The following ROBO2 variants were observed in gnomAD, a reference collection of about 807,000 sequenced individuals.
The protein encoded by ROBO2 is roundabout homolog 2.
ROBO2 carries 53 observed loss-of-function variants against 160.8 expected under a neutral mutation model. The observed-to-expected ratio is 0.33, with a 90% CI of 0.26 to 0.41. ROBO2 has a LOEUF of 0.41. Ranked by LOEUF, ROBO2 falls within the 10% of genes least tolerant of loss-of-function variation. The pLI, the probability that ROBO2 is intolerant of heterozygous loss-of-function variation, is 1.00. For synonymous variants in ROBO2, 664 were observed against 611.7 expected, an observed-to-expected ratio of 1.09 and a Z score of -1.26; for missense variants, 1,577 against 1,722.4, an observed-to-expected ratio of 0.92 and a Z score of 1.49.
intron 2 of ROBO2, among the ~76,000 whole-genome samples, chr3:76,311,746 G>A (rs1172500129): frequency 6.6e-6 from 1 of 152,134 alleles, no homozygotes. Context: ...AAAGAAATGG[G>A]TTCTGAATAT....
At chr3:76,486,450 G>A (rs781081346) in intron 2 of ROBO2, among the ~76,000 whole-genome samples, 4 of 152,184 alleles carry the variant, frequency 2.6e-5, no homozygotes, top group Admixed American at 6.6e-5. Flanking sequence ...AACAGCGTTG[G>A]TGGTTTAGAT....
intron 2 of ROBO2, among the ~76,000 whole-genome samples, chr3:76,677,735 T>G (rs1183939114): frequency 6.6e-6 from 1 of 152,078 alleles, no homozygotes; most frequent in Non-Finnish European, 1.5e-5. Flanking sequence ...TTTTTAAATT[T>G]AAAATATATA....
At chr3:76,564,179 C>T (rs756056971) in intron 2 of ROBO2, among the ~76,000 whole-genome samples, 4 of 152,180 alleles carry the variant, frequency 2.6e-5, no homozygotes, top group East Asian at 1.9e-4. Context: ...GCACTCCAGT[C>T]GGGGCGACAC....
At chr3:76,163,973 A>G (rs147840868) in intron 2 of ROBO2, among the ~76,000 whole-genome samples, 3 of 152,320 alleles carry the variant, frequency 2.0e-5, no homozygotes, top group African/African-American at 7.2e-5. Flanking sequence ...GTCTCATGCA[A>G]TGCTGTTTGA....
At chr3:76,773,832 A>C (rs2062064550) in intron 2 of ROBO2, among the ~76,000 whole-genome samples, 1 of 150,848 alleles carries the variant, frequency 6.6e-6, no homozygotes, top group African/African-American at 2.4e-5. Flanking sequence ...CCTGGGAAGA[A>C]TACAAAGAAA....
intron 1 of ROBO2, among the ~76,000 whole-genome samples, chr3:75,915,205 G>A (rs1946761001): frequency 6.6e-6 from 1 of 152,130 alleles, no homozygotes; most frequent in Admixed American, 6.5e-5. Context: ...AACATGTAAA[G>A]CTTATAGAAG....
chr3:76,901,568 C>CAAAAAAA (rs34372046), intron 2 of ROBO2, among the ~76,000 whole-genome samples: 7 of 75,804 alleles, frequency 9.2e-5, no homozygotes, highest in East Asian at 4.3e-4. Context: ...AATTTCATCT[C>CAAAAAAA]AAAAAAAAAA....
At chr3:76,726,866 T>G (rs565352470) in intron 2 of ROBO2, among the ~76,000 whole-genome samples, 9 of 152,292 alleles carry the variant, frequency 5.9e-5, no homozygotes, top group African/African-American at 2.2e-4. Context: ...AAAAGCTATC[T>G]CGTACAGCTA....
At chr3:76,560,551 C>A (rs1405631272) in intron 2 of ROBO2, among the ~76,000 whole-genome samples, 1 of 150,204 alleles carries the variant, frequency 6.7e-6, no homozygotes, top group Non-Finnish European at 1.5e-5. Context: ...TTATTATTAT[C>A]ATCATTATCA....
At chr3:76,938,915 G>A (rs2077949075) in intron 2 of ROBO2, among the ~76,000 whole-genome samples, 2 of 148,860 alleles carry the variant, frequency 1.3e-5, no homozygotes, top group Admixed American at 6.8e-5. Context: ...AGGTTGCAGT[G>A]AGCTGAGATC....
chr3:76,441,371 C>G (rs1170589495), intron 2 of ROBO2, among the ~76,000 whole-genome samples: 1 of 152,152 alleles, frequency 6.6e-6, no homozygotes, highest in African/African-American at 2.4e-5. Context: ...TTAAGACAAA[C>G]ATTTCCTGGT....
chr3:76,149,837 A>G (rs77263084), intron 2 of ROBO2, among the ~76,000 whole-genome samples: 1 of 131,200 alleles, frequency 7.6e-6, no homozygotes, highest in Non-Finnish European at 1.7e-5. Flanking sequence ...TAAAACACAC[A>G]TCTGTCTAAA....
intron 2 of ROBO2, among the ~76,000 whole-genome samples, chr3:75,968,097 C>T (rs1949184801): frequency 6.6e-6 from 1 of 151,592 alleles, no homozygotes; most frequent in Non-Finnish European, 1.5e-5. Context: ...ATCAAGGTGA[C>T]ACATGCACAC....
intron 2 of ROBO2, among the ~76,000 whole-genome samples, chr3:76,498,284 G>A (rs746039763): frequency 2.0e-5 from 3 of 152,142 alleles, no homozygotes; most frequent in Non-Finnish European, 4.4e-5. Flanking sequence ...TATTTGAGTG[G>A]TAGTTGCTGG....
intron 11 of ROBO2, among the ~76,000 whole-genome samples, chr3:77,564,179 G>C (rs1582974676): frequency 6.6e-6 from 1 of 151,694 alleles, no homozygotes; most frequent in East Asian, 1.9e-4. Context: ...TCATTCTTAT[G>C]CGTGGACAGT....
At chr3:77,623,669 A>G (rs987625713) in intron 23 of ROBO2, among the ~76,000 whole-genome samples, 1 of 152,200 alleles carries the variant, frequency 6.6e-6, no homozygotes, top group Non-Finnish European at 1.5e-5. Flanking sequence ...ACAGAGCACA[A>G]GTTAAAATCT....
chr3:76,024,614 C>CA (rs2066678081), intron 2 of ROBO2, among the ~76,000 whole-genome samples: 1 of 151,384 alleles, frequency 6.6e-6, no homozygotes, highest in Non-Finnish European at 1.5e-5. Context: ...ATAAAAAACA[C>CA]AACAAATAAA....
At chr3:76,878,654 C>T (rs966591924) in intron 2 of ROBO2, among the ~76,000 whole-genome samples, 6 of 152,150 alleles carry the variant, frequency 3.9e-5, no homozygotes, top group South Asian at 2.1e-4. Context: ...TTTCTTTTCT[C>T]GTTTATTCAA....
At chr3:76,814,588 G>C (rs1185699449) in intron 2 of ROBO2, among the ~76,000 whole-genome samples, 1 of 139,616 alleles carries the variant, frequency 7.2e-6, no homozygotes, top group African/African-American at 2.7e-5. Flanking sequence ...TACATAAAAG[G>C]ATCGGTTTTT....
Sources: gnomAD v4.1 joint callset for allele counts (sites outside exome capture counted in the v4.1 genomes callset) on GRCh38, gnomAD v4.1.1 for gene constraint, MANE v1.5 for transcripts, NCBI Gene and HGNC (gene_info 2026-07-23, HGNC 2026-07-21) for gene names.